JAM2: variants seen among roughly 807,000 people sequenced by gnomAD.
The protein encoded by JAM2 is junctional adhesion molecule B.
JAM2 carries 17 observed loss-of-function variants against 42.0 expected under a neutral mutation model. That is an observed-to-expected ratio of 0.40 (90% CI 0.28 to 0.61). The LOEUF (loss-of-function observed/expected upper bound fraction) is 0.61. Among genes scored for constraint, JAM2 ranks in the 20% least tolerant of loss-of-function variants. The probability of loss-of-function intolerance (pLI) is 0.37; values close to 1 mark genes in which losing one functional copy is unlikely to be tolerated. For synonymous variants in JAM2, 118 were observed against 128.6 expected (o/e 0.92, Z 0.56); for missense variants, 319 against 358.3 (o/e 0.89, Z 0.89).
intron 1 of JAM2, among the ~76,000 whole-genome samples, chr21:25,642,086 A>G (rs2123296809): frequency 6.6e-6 from 1 of 152,248 alleles, no homozygotes; most frequent in South Asian, 2.1e-4. Context: ...ATGTGAACCT[A>G]GGTCACCTGT....
chr21:25,696,244 C>G (rs991240880), intron 4 of JAM2, among the ~76,000 whole-genome samples: 6 of 152,186 alleles, frequency 3.9e-5, no homozygotes, highest in Non-Finnish European at 8.8e-5. Flanking sequence ...GAAAACCAGT[C>G]AGGCGTGGCG....
chr21:25,695,930 C>T lies in JAM2; in HGVS notation c.394+2022C>T, dbSNP rs576943292. 1.1e-3 allele frequency among the ~76,000 whole-genome samples: 170 copies of T among 152,220 alleles called. 2 individuals carry two copies. Among genetic ancestry groups the T allele is most frequent in the African/African-American group, 4.0e-3 (165 of 41,542 alleles). On this transcript the variant is annotated intron_variant, in intron 4 of 9. Coordinates refer to ENST00000480456, the MANE Select transcript of JAM2 (RefSeq NM_021219.4). ...TGGGCAGCCAGGCAGAGGGGCTCCT[C>T]ACATCCCAGACGATGGGTGGCCAGG...
Position 25,683,908 on chromosome 21 carries a change from C to G in JAM2, c.93C>G (p.Ala31=). ...ATCATAAGGCCTATGGGTTTTCTGC[C>G]CCAAAAGACCAACAAGTAGTCACAG... The part of the protein sequence containing the change: ...LGYHKAYGFS[A]PKDQQVVTAV... The change falls in exon 2 of 10, where the codon GCC becomes GCG. Residue 31 remains alanine (A), a synonymous_variant. Transcript: ENST00000480456. 6.2e-7 allele frequency: 1 copy of G among 1,608,334 alleles called. No homozygotes were observed. Among genetic ancestry groups the G allele is most frequent in the Non-Finnish European group, 8.5e-7 (1 of 1,175,450 alleles).
intron 1 of JAM2, among the ~76,000 whole-genome samples, chr21:25,646,047 C>T (rs1456295540): frequency 2.0e-5 from 3 of 152,126 alleles, no homozygotes; most frequent in Admixed American, 6.6e-5. Context: ...CTACTGTAGA[C>T]TTTATCAACA....
In JAM2 at chr21:25,714,757, G is replaced by C; in HGVS notation, c.*85G>C. On this transcript the variant is annotated 3_prime_UTR_variant, in exon 10 of 10. Transcript: ENST00000480456. ...TAAAACTCTGCTTTGTCCGACATTT[G>C]CAAAGAGGTACACGAGGAAATGGAA... 1 of 860,028 alleles carries C rather than the reference G, an allele frequency of 1.2e-6. No homozygotes were observed. The highest frequency in any genetic ancestry group is 1.7e-6 in the Non-Finnish European group (1 of 574,510). The allele number at this position is 860,028 out of a possible 1,614,324, so 53.3% of individuals were successfully genotyped here.
intron 1 of JAM2, among the ~76,000 whole-genome samples, chr21:25,677,478 A>C (rs1304291011): frequency 6.6e-6 from 1 of 152,214 alleles, no homozygotes; most frequent in Admixed American, 6.5e-5. Context: ...TTCTTAAAGG[A>C]AATTTTAACA....
At chr21:25,714,212 A>G (rs1467255267) in intron 9 of JAM2, 2 of 1,302,344 alleles carry the variant, frequency 1.5e-6, no homozygotes, top group Non-Finnish European at 1.0e-6. Context: ...TTAATTAAAT[A>G]TATACTGGTT....
rs562913573 is a variant in JAM2, at chr21:25,717,134, T to C, written c.*2462T>C. On this transcript the variant is annotated 3_prime_UTR_variant, in exon 10 of 10. Coordinates refer to ENST00000480456, the MANE Select transcript of JAM2 (RefSeq NM_021219.4). ...CATTACCTTAAACTATTGTAATAGC[T>C]AGGTAAAAATCCTTGTATAAAAGAA... 2 of 152,728 alleles carry C rather than the reference T, an allele frequency of 1.3e-5. No homozygotes were observed. The highest frequency in any genetic ancestry group is 3.8e-4 in the East Asian group (2 of 5,200). The allele number at this position is 152,728 out of a possible 1,614,324, so 9.5% of individuals were successfully genotyped here.
chr21:25,709,489 T>C, intron 8 of JAM2, 40 bp downstream of exon 8: 1 of 1,349,862 alleles, frequency 7.4e-7, no homozygotes, highest in Non-Finnish European at 1.0e-6. Flanking sequence ...TTCTCCTATG[T>C]CAACTAATTT....
intron 1 of JAM2, among the ~76,000 whole-genome samples, chr21:25,650,427 A>T (rs1318623457): frequency 1.3e-5 from 2 of 152,178 alleles, no homozygotes; most frequent in Non-Finnish European, 1.5e-5. Context: ...GCATTAGGCA[A>T]ATGCCAAAAT....
In JAM2 at chr21:25,695,237, C is replaced by T. The variant is rs532183360; in HGVS notation, c.394+1329C>T. ...TTTAACAAAGCACATCTTGCACCGC[C>T]CTTAATCCATTTAACCCTGAGTGGA... On this transcript the variant is annotated intron_variant, in intron 4 of 9. Transcript: ENST00000480456. 7.5e-4 allele frequency among the ~76,000 whole-genome samples: 114 copies of T among 152,220 alleles called. 2 individuals carry two copies. The highest frequency in any genetic ancestry group is 2.6e-3 in the African/African-American group (109 of 41,542).
chr21:25,698,052 C>G (rs780558510), intron 4 of JAM2, among the ~76,000 whole-genome samples: 4 of 151,898 alleles, frequency 2.6e-5, no homozygotes, highest in African/African-American at 7.3e-5. Context: ...TGGTAATAAA[C>G]CAATTGAAGA....
intron 1 of JAM2, among the ~76,000 whole-genome samples, chr21:25,656,114 C>T (rs1021171900): frequency 1.3e-5 from 2 of 151,534 alleles, no homozygotes; most frequent in African/African-American, 4.9e-5. Flanking sequence ...ATTTTATTCC[C>T]TAAAATGTTA....
intron 5 of JAM2, among the ~76,000 whole-genome samples, chr21:25,701,109 T>C (rs2034155738): frequency 6.6e-6 from 1 of 152,244 alleles, no homozygotes; most frequent in African/African-American, 2.4e-5. Context: ...TGGAAGCCAA[T>C]GACTTCCTTT....
chr21:25,639,907 T>C lies in JAM2; in HGVS notation c.67+19T>C. ...CTGGGCTGTAAGTTGCTCGGGTTCC[T>C]CTACCCTTCCTGCCTGGACCAGCCT... On this transcript the variant is annotated intron_variant, in intron 1 of 9. Coordinates refer to ENST00000480456, the MANE Select transcript of JAM2 (RefSeq NM_021219.4). The C allele has an allele frequency of 3.2e-6, 5 of 1,560,446 alleles. No individual in the cohort carries two copies. Among genetic ancestry groups the C allele is most frequent in the Non-Finnish European group, 4.4e-6 (5 of 1,146,876 alleles).
chr21:25,680,107 CA>C (rs1366915385), intron 1 of JAM2, among the ~76,000 whole-genome samples: 1 of 152,206 alleles, frequency 6.6e-6, no homozygotes, highest in Non-Finnish European at 1.5e-5. Flanking sequence ...TATCCTTTCT[CA>C]AGGGTCCATC....
At chr21:25,680,753 TCAG>T (rs2123363678) in intron 1 of JAM2, among the ~76,000 whole-genome samples, 1 of 152,104 alleles carries the variant, frequency 6.6e-6, no homozygotes, top group South Asian at 2.1e-4. Context: ...GGTAGTTTAG[TCAG>T]AAAAGCAGTT....
Position 25,706,033 on chromosome 21 carries a change from T to C in JAM2, c.752T>C (p.Ile251Thr). ...IAAVVVVALV[I>T]SVCGLGVCYA... ...GCCGTAGTAGTTGTGGCCTTAGTGA[T>C]TTCCGTTTGTGGCCTTGGTGTATGC... Residue 251 changes from isoleucine to threonine, a missense_variant, in exon 7 of 10, where the codon ATT becomes ACT. Coordinates refer to ENST00000480456, the MANE Select transcript of JAM2 (RefSeq NM_021219.4). 6.2e-7 allele frequency: 1 copy of C among 1,614,074 alleles called. No homozygotes were observed. The highest frequency in any genetic ancestry group is 8.5e-7 in the Non-Finnish European group (1 of 1,179,898).
intron 1 of JAM2, among the ~76,000 whole-genome samples, chr21:25,679,547 A>G (rs1245676151): frequency 2.6e-5 from 4 of 152,216 alleles, no homozygotes; most frequent in Non-Finnish European, 5.9e-5. Flanking sequence ...AGCCAGGGAT[A>G]CTGCAAAACA....
Sources: allele counts gnomAD v4.1 joint callset (sites outside exome capture counted in the v4.1 genomes callset), GRCh38; gene constraint gnomAD v4.1.1; transcripts MANE v1.5; gene names NCBI Gene and HGNC (gene_info 2026-07-23, HGNC 2026-07-21).